The following LRRK2 variants were observed in gnomAD, a reference collection of about 807,000 sequenced individuals.
LRRK2 encodes the protein leucine rich repeat kinase 2.
In LRRK2, 203 loss-of-function variants were observed where a neutral mutation model predicts 302.6. The ratio of observed to expected loss-of-function variants is 0.67; its 90% confidence interval spans 0.60 to 0.75. The LOEUF is 0.75. Ranked by LOEUF, LRRK2 falls within the 30% of genes least tolerant of loss-of-function variation. LRRK2 has a pLI of 0.00. For synonymous variants in LRRK2, 1,066 were observed against 1,031.9 expected (o/e 1.03, Z -0.63); for missense variants, 2,830 against 2,951.0 (o/e 0.96, Z 0.95).
At chr12:40,288,872 A>G (rs1316456779) in intron 20 of LRRK2, among the ~76,000 whole-genome samples, 2 of 151,790 alleles carry the variant, frequency 1.3e-5, no homozygotes, top group East Asian at 3.8e-4. Flanking sequence ...TTTTCATTTT[A>G]CTAATTCTAT....
At chr12:40,240,692 A>T (rs1207409555) in intron 6 of LRRK2, 75 bp downstream of exon 6, 1 of 1,398,026 alleles carries the variant, frequency 7.2e-7, no homozygotes, top group Non-Finnish European at 1.0e-6. Flanking sequence ...GTATATTTTA[A>T]CAATATTTTT....
At chr12:40,285,395 A>T (rs911217546) in intron 19 of LRRK2, among the ~76,000 whole-genome samples, 2 of 152,090 alleles carry the variant, frequency 1.3e-5, no homozygotes, top group Non-Finnish European at 2.9e-5. Context: ...TATCATTTAG[A>T]ATTAAGTATT....
chr12:40,364,164 C>CTATG, intron 48 of LRRK2, among the ~76,000 whole-genome samples: 1 of 152,064 alleles, frequency 6.6e-6, no homozygotes, highest in East Asian at 1.9e-4. Flanking sequence ...CCATATAGAT[C>CTATG]TATGATACTC....
At chr12:40,236,232 T>C (rs1941460069) in intron 4 of LRRK2, among the ~76,000 whole-genome samples, 1 of 152,200 alleles carries the variant, frequency 6.6e-6, no homozygotes, top group Admixed American at 6.5e-5. Context: ...GAGTATTTGC[T>C]AGATGCCAGG....
chr12:40,277,582 A>G (rs1481252129), intron 16 of LRRK2, among the ~76,000 whole-genome samples: 2 of 152,196 alleles, frequency 1.3e-5, no homozygotes, highest in Non-Finnish European at 2.9e-5. Context: ...GTTTCATCCT[A>G]TAACTATGGC....
intron 46 of LRRK2, among the ~76,000 whole-genome samples, chr12:40,358,753 G>A (rs186077893): frequency 1.3e-5 from 2 of 151,738 alleles, no homozygotes; most frequent in Admixed American, 1.3e-4. Flanking sequence ...TTCTATTTCT[G>A]TGAGAAATAT....
At chr12:40,232,409 A>C in intron 3 of LRRK2, 26 bp downstream of exon 3, 1 of 1,540,382 alleles carries the variant, frequency 6.5e-7, no homozygotes, top group Non-Finnish European at 9.0e-7. Flanking sequence ...ATGTAAAACA[A>C]ATGGCCTTGA....
intron 2 of LRRK2, among the ~76,000 whole-genome samples, chr12:40,228,433 CTTTTTTTTTTTTTT>C (rs35333613): frequency 5.2e-5 from 1 of 19,316 alleles, no homozygotes; most frequent in African/African-American, 2.5e-4. Flanking sequence ...AAAAATAAGA[CTTTTTTTTTTTTTT>C]TTTTTTTTGC....
At chr12:40,338,407 A>G (rs1047323196) in intron 40 of LRRK2, among the ~76,000 whole-genome samples, 5 of 152,252 alleles carry the variant, frequency 3.3e-5, no homozygotes, top group African/African-American at 1.2e-4. Flanking sequence ...TTAAGCTATG[A>G]AGAAAGAAGT....
At chr12:40,293,490 G>A in intron 20 of LRRK2, 55 bp from the exon 21 acceptor site, 1 of 1,114,594 alleles carries the variant, frequency 9.0e-7, no homozygotes. Context: ...AGGATCTTAT[G>A]ATTGAGTAAG....
intron 25 of LRRK2, among the ~76,000 whole-genome samples, chr12:40,300,193 A>G (rs886799211): frequency 1.3e-5 from 2 of 152,236 alleles, no homozygotes; most frequent in African/African-American, 4.8e-5. Context: ...AAGTTAATGT[A>G]TATTCATTCA....
chr12:40,270,056 A>G (rs1943170869), intron 14 of LRRK2, among the ~76,000 whole-genome samples: 1 of 152,196 alleles, frequency 6.6e-6, no homozygotes, highest in Non-Finnish European at 1.5e-5. Context: ...AATGGAGATA[A>G]TAACTGATTT....
In LRRK2 at chr12:40,342,479, CT is replaced by C. The variant is rs3065921; in HGVS notation, c.6109+2038del. 9.7e-4 allele frequency among the ~76,000 whole-genome samples: 138 copies of C among 142,572 alleles called. 1 individual carries two copies. Among genetic ancestry groups the C allele is most frequent in the African/African-American group, 3.2e-3 (124 of 38,606 alleles). 93.5% of individuals were successfully genotyped at this position (142,572 alleles called of 152,430 possible). On this transcript the variant is annotated intron_variant, in intron 41 of 50. Coordinates refer to ENST00000298910, the MANE Select transcript of LRRK2 (RefSeq NM_198578.4). ...CACAGGCTGCTTAGTACTTTGTAAG[CT>C]TTTTTTTTTTTTCTGGCTGTAACCT...
intron 41 of LRRK2, among the ~76,000 whole-genome samples, chr12:40,344,973 G>A (rs1211285784): frequency 2.0e-5 from 3 of 152,098 alleles, no homozygotes; most frequent in South Asian, 2.1e-4. Context: ...ACTCAAATTC[G>A]ATGTCTCCAT....
At chr12:40,230,744 A>G (rs1256927710) in intron 2 of LRRK2, among the ~76,000 whole-genome samples, 5 of 147,386 alleles carry the variant, frequency 3.4e-5, no homozygotes, top group African/African-American at 1.0e-4. Flanking sequence ...CTTTACATTT[A>G]GAGAGGGAGG....
At chr12:40,348,280 T>G (rs1946255587) in intron 42 of LRRK2, 129 bp from the exon 43 acceptor site, 5 of 651,018 alleles carry the variant, frequency 7.7e-6, no homozygotes, top group Non-Finnish European at 1.3e-5. Context: ...ACAAGTAAAT[T>G]TACATAAATA....
intron 40 of LRRK2, among the ~76,000 whole-genome samples, chr12:40,337,673 A>G (rs1379796388): frequency 6.6e-6 from 1 of 152,164 alleles, no homozygotes; most frequent in East Asian, 1.9e-4. Context: ...GAATTATCAG[A>G]ATTTCTTTTC....
intron 40 of LRRK2, among the ~76,000 whole-genome samples, chr12:40,339,791 A>G (rs1211721112): frequency 1.3e-5 from 2 of 152,226 alleles, no homozygotes; most frequent in Non-Finnish European, 2.9e-5. Flanking sequence ...TTTAGTCAGA[A>G]AAATAAATAT....
chr12:40,305,989 G>A (rs1166757155), intron 28 of LRRK2, 23 bp downstream of exon 28: 10 of 1,556,848 alleles, frequency 6.4e-6, no homozygotes, highest in African/African-American at 1.4e-5. Context: ...TTTTCTATTT[G>A]GTTTTACTAA....
Sources: gnomAD v4.1 joint callset for allele counts (sites outside exome capture counted in the v4.1 genomes callset) on GRCh38, gnomAD v4.1.1 for gene constraint, MANE v1.5 for transcripts, NCBI Gene and HGNC (gene_info 2026-07-23, HGNC 2026-07-21) for gene names.